The following DMD variants were observed in gnomAD, a reference collection of about 807,000 sequenced individuals.
DMD encodes the protein dystrophin.
A neutral mutation model predicts 330.1 loss-of-function variants in DMD; 63 were observed. The observed-to-expected ratio is 0.19, with a 90% CI of 0.16 to 0.24. The LOEUF is 0.24. Among genes scored for constraint, DMD ranks in the 10% least tolerant of loss-of-function variants. The probability of loss-of-function intolerance (pLI) is 1.00; values close to 1 mark genes in which losing one functional copy is unlikely to be tolerated. For missense variants in DMD, 3,344 were observed against 2,684.1 expected (o/e 1.25, Z -5.43); for synonymous variants, 1,223 against 959.8 (o/e 1.27, Z -5.07).
intron 1 of DMD, among the ~76,000 whole-genome samples, chrX:33,284,206 C>T (rs2053391098): frequency 9.0e-6 from 1 of 110,566 alleles, no homozygotes; most frequent in Non-Finnish European, 1.9e-5. Flanking sequence ...CAACATGCAC[C>T]TAGCACACTG....
At chrX:31,393,217 C>A (rs192239176) in intron 60 of DMD, among the ~76,000 whole-genome samples, 1 of 111,692 alleles carries the variant, frequency 9.0e-6, no homozygotes, top group East Asian at 2.8e-4. Flanking sequence ...GTGGCTCATG[C>A]CTGTCATCCC....
chrX:32,414,208 T>G (rs938173171), intron 29 of DMD, among the ~76,000 whole-genome samples: 10 of 111,770 alleles, frequency 8.9e-5, no homozygotes, highest in African/African-American at 3.3e-4. Flanking sequence ...TCTGACTTCC[T>G]TTTATTGGCT....
At chrX:31,728,856 G>A (rs2086280685) in intron 52 of DMD, among the ~76,000 whole-genome samples, 1 of 111,738 alleles carries the variant, frequency 8.9e-6, no homozygotes, top group Admixed American at 9.5e-5. Context: ...AAGGAAGGTA[G>A]AGAGAAGTGA....
intron 21 of DMD, among the ~76,000 whole-genome samples, chrX:32,484,696 C>G (rs1163214250): frequency 8.9e-6 from 1 of 112,045 alleles, no homozygotes; most frequent in Admixed American, 9.5e-5. Flanking sequence ...TATTCCCATA[C>G]AAAACATGTT....
At chrX:32,259,428 G>A (rs1056146869) in intron 43 of DMD, among the ~76,000 whole-genome samples, 6 of 110,551 alleles carry the variant, frequency 5.4e-5, no homozygotes, top group East Asian at 2.8e-4. Context: ...TTACTTCAAC[G>A]TTGTAAATTT....
chrX:33,095,709 T>C (rs2095148578), intron 1 of DMD, among the ~76,000 whole-genome samples: 2 of 111,506 alleles, frequency 1.8e-5, no homozygotes, highest in East Asian at 5.6e-4. Context: ...AGTTTTGTCT[T>C]CTTATATTCA....
At chrX:33,302,250 T>A (rs979786138) in intron 1 of DMD, among the ~76,000 whole-genome samples, 1 of 111,273 alleles carries the variant, frequency 9.0e-6, no homozygotes, top group African/African-American at 3.3e-5. Context: ...TTTAATCATG[T>A]CTTTAGGGAA....
At chrX:32,001,891 A>G (rs1320276447) in intron 44 of DMD, among the ~76,000 whole-genome samples, 2 of 111,843 alleles carry the variant, frequency 1.8e-5, no homozygotes, top group Non-Finnish European at 3.8e-5. Context: ...ACTAGGAATT[A>G]GGATCATGAT....
intron 43 of DMD, among the ~76,000 whole-genome samples, chrX:32,272,433 T>A (rs2097368603): frequency 8.9e-6 from 1 of 112,327 alleles, no homozygotes; most frequent in Non-Finnish European, 1.9e-5. Context: ...TTTAAACATC[T>A]TTTTAAAGTA....
At chrX:32,243,503 G>C (rs924024156) in intron 43 of DMD, among the ~76,000 whole-genome samples, 1 of 111,980 alleles carries the variant, frequency 8.9e-6, no homozygotes, top group Non-Finnish European at 1.9e-5. Context: ...AATATTCCCA[G>C]TATGTTTAAT....
chrX:31,613,563 T>C (rs2078040244), intron 55 of DMD, among the ~76,000 whole-genome samples: 1 of 111,711 alleles, frequency 9.0e-6, no homozygotes, highest in South Asian at 3.8e-4. Context: ...ACAAGTAATT[T>C]TTACTGAAGC....
At chrX:31,449,118 A>T (rs2065500975) in intron 59 of DMD, among the ~76,000 whole-genome samples, 1 of 111,672 alleles carries the variant, frequency 9.0e-6, no homozygotes, top group Non-Finnish European at 1.9e-5. Context: ...GACTAGAAAG[A>T]GTAAATTGAG....
intron 44 of DMD, among the ~76,000 whole-genome samples, chrX:32,187,329 A>C (rs1403189821): frequency 9.0e-6 from 1 of 111,467 alleles, no homozygotes; most frequent in Non-Finnish European, 1.9e-5. Flanking sequence ...GGACAAGAGT[A>C]GGAAGGTCAT....
rs1351572197 is a variant in DMD, at chrX:31,236,877, T to C, written c.9287-13756A>G. Among the ~76,000 whole-genome samples the C allele has an allele frequency of 2.7e-5, 3 of 111,938 alleles. No individual in the cohort carries two copies. The East Asian group carries it at 8.4e-4, about 31-fold the overall frequency. ...GTTTTGGTAACTTCAACTAATCATA[T>C]GTTTTGACAGTCAAATTAAGATTCT... is the stretch of plus-strand genomic sequence containing the variant. On this transcript the variant is annotated intron_variant, in intron 63 of 78. Coordinates refer to ENST00000357033, the MANE Select transcript of DMD (RefSeq NM_004006.3).
At chrX:32,418,972 CAAAAAAAAAAAAAAAA>C (rs1160282195) in intron 29 of DMD, among the ~76,000 whole-genome samples, 1 of 13,511 alleles carries the variant, frequency 7.4e-5, no homozygotes, top group African/African-American at 2.2e-4. Flanking sequence ...GACTCTGTCT[CAAAAAAAAAAAAAAAA>C]AAAAAAAAAA....
At chrX:31,708,793 A>G (rs1473189426) in intron 52 of DMD, among the ~76,000 whole-genome samples, 1 of 112,056 alleles carries the variant, frequency 8.9e-6, no homozygotes, top group African/African-American at 3.2e-5. Context: ...GATAGACACT[A>G]AAGTGTTTAG....
chrX:32,212,348 T>C (rs1382814408), intron 44 of DMD, among the ~76,000 whole-genome samples: 2 of 111,816 alleles, frequency 1.8e-5, no homozygotes, highest in Non-Finnish European at 3.8e-5. Context: ...AAGTCTTAGT[T>C]TGTATTGATA....
chrX:33,033,513 C>A lies in DMD; in HGVS notation c.32-13313G>T, dbSNP rs756354171. ...ATCACAAGGTCAGGAGATCGAGACC[C>A]TCCTGGCAAACACGGTGAAACCCCG... On this transcript the variant is annotated intron_variant, in intron 1 of 78. Coordinates refer to ENST00000357033, the MANE Select transcript of DMD (RefSeq NM_004006.3). 5.5e-4 allele frequency among the ~76,000 whole-genome samples: 56 copies of A among 102,538 alleles called. No homozygotes were observed. The East Asian group carries it at 8.8e-3, about 16-fold the overall frequency. The allele number at this position is 102,538 out of a possible 115,157, so 89.0% of individuals were successfully genotyped here. A position where few individuals can be genotyped will look rare whatever the true frequency, so the allele number is the denominator to read the frequency against.
At position 32,896,911 on chromosome X, in the gene DMD, G is replaced by A. The variant is rs769984078; in HGVS notation, c.94-47091C>T. Among the ~76,000 whole-genome samples, 5 of 112,163 alleles carry A rather than the reference G, an allele frequency of 4.5e-5. No homozygotes were observed. The South Asian group carries it at 1.1e-3, about 25-fold the overall frequency. On this transcript the variant is annotated intron_variant, in intron 2 of 78. Transcript: ENST00000357033. ...ATTGCTGTCAGATGAAAAGTTAAAC[G>A]TCAGCAATTGAAACAACAAATATTC...
Sources: gnomAD v4.1 joint callset for allele counts (sites outside exome capture counted in the v4.1 genomes callset) on GRCh38, gnomAD v4.1.1 for gene constraint, MANE v1.5 for transcripts, NCBI Gene and HGNC (gene_info 2026-07-23, HGNC 2026-07-21) for gene names.